RALGAPA1: variants seen among roughly 807,000 people sequenced by gnomAD.
RALGAPA1 encodes the protein ral GTPase-activating protein subunit alpha-1.
RALGAPA1 carries 52 observed loss-of-function variants against 269.6 expected under a neutral mutation model. That is an observed-to-expected ratio of 0.19 (90% CI 0.15 to 0.24). RALGAPA1 has a LOEUF of 0.24. Among genes scored for constraint, RALGAPA1 ranks in the 10% least tolerant of loss-of-function variants. RALGAPA1 has a pLI of 1.00. For synonymous variants in RALGAPA1, 817 were observed against 1,008.3 expected (o/e 0.81, Z 3.60); for missense variants, 1,917 against 3,013.9 (o/e 0.64, Z 8.52).
In RALGAPA1 at chr14:35,809,070, C is replaced by A. The variant is rs113547863; in HGVS notation, c.-235G>T. The A allele has an allele frequency of 1.6e-6, 1 of 615,492 alleles. No individual in the cohort carries two copies. The highest frequency in any genetic ancestry group is 2.7e-6 in the Non-Finnish European group (1 of 371,832). The allele number at this position is 615,492 out of a possible 1,614,324, so 38.1% of individuals were successfully genotyped here. ...CGGCCCCAGCTCCAATATGGCGGAT[C>A]CCTCTCCCGGCCCTGCACGGAGCGA... On this transcript the variant is annotated 5_prime_UTR_variant, in exon 1 of 42. Transcript: ENST00000680220.
intron 8 of RALGAPA1, 82 bp downstream of exon 8, chr14:35,751,942 G>C: frequency 2.7e-6 from 4 of 1,507,766 alleles, no homozygotes; most frequent in Non-Finnish European, 1.8e-6. Flanking sequence ...TCAGTTTCCT[G>C]CAGTAACAAA....
intron 31 of RALGAPA1, among the ~76,000 whole-genome samples, chr14:35,645,344 T>TGG (rs1491038852): frequency 3.5e-4 from 42 of 121,228 alleles, no homozygotes; most frequent in African/African-American, 1.3e-3. Flanking sequence ...GATATAGAGA[T>TGG]GGGTGTGTGT....
chr14:35,792,789 AAAAAAGAAAGAAAG>A (rs1343050248), intron 1 of RALGAPA1, among the ~76,000 whole-genome samples: 2 of 148,176 alleles, frequency 1.3e-5, no homozygotes, highest in Non-Finnish European at 3.0e-5. Context: ...AAAAAAAAAA[AAAAAAGAAAGAAAG>A]AGAAAGAAAG....
chr14:35,634,523 A>G (rs1247978881), intron 33 of RALGAPA1, 51 bp downstream of exon 33: 1 of 1,469,316 alleles, frequency 6.8e-7, no homozygotes, highest in African/African-American at 1.4e-5. Flanking sequence ...CTCAAGTTAT[A>G]CCTTGAGAGA....
chr14:35,617,637 T>TGGGGGGG (rs1221537442), intron 35 of RALGAPA1, among the ~76,000 whole-genome samples: 2 of 4,874 alleles, frequency 4.1e-4, no homozygotes, highest in African/African-American at 6.2e-4. Context: ...GTGTGTGGGG[T>TGGGGGGG]GGGGGGGGGG....
intron 1 of RALGAPA1, among the ~76,000 whole-genome samples, chr14:35,804,352 C>T (rs971735709): frequency 1.4e-5 from 2 of 145,422 alleles, no homozygotes; most frequent in Non-Finnish European, 1.5e-5. Context: ...TTGAGGATCA[C>T]GAGGTCAGGA....
At chr14:35,617,115 AAGGT>A (rs1352880856) in intron 35 of RALGAPA1, among the ~76,000 whole-genome samples, 1 of 152,244 alleles carries the variant, frequency 6.6e-6, no homozygotes, top group Non-Finnish European at 1.5e-5. Flanking sequence ...TCTGGGAAGG[AAGGT>A]GAAGCATAGG....
chr14:35,727,917 A>G (rs2070117309), intron 13 of RALGAPA1, among the ~76,000 whole-genome samples: 1 of 152,226 alleles, frequency 6.6e-6, no homozygotes. Context: ...GCAGGATCTT[A>G]TCCTGAAAGC....
At chr14:35,658,105 T>C (rs568852371) in intron 28 of RALGAPA1, among the ~76,000 whole-genome samples, 1 of 152,314 alleles carries the variant, frequency 6.6e-6, no homozygotes, top group African/African-American at 2.4e-5. Context: ...AGAGGGTGAT[T>C]CTATTAAACT....
intron 3 of RALGAPA1, among the ~76,000 whole-genome samples, chr14:35,771,327 G>A (rs2074601209): frequency 1.3e-5 from 2 of 152,162 alleles, no homozygotes; most frequent in South Asian, 4.1e-4. Flanking sequence ...CCAAGAGGCA[G>A]AGGTTACCGT....
intron 15 of RALGAPA1, 90 bp downstream of exon 15, chr14:35,722,937 T>A (rs2069558811): frequency 1.5e-6 from 1 of 655,652 alleles, no homozygotes; most frequent in African/African-American, 1.8e-5. Context: ...ATTCTACTTA[T>A]TTCACCCTCA....
chr14:35,751,343 C>T (rs2072666157), intron 8 of RALGAPA1, among the ~76,000 whole-genome samples: 2 of 152,174 alleles, frequency 1.3e-5, no homozygotes, highest in Admixed American at 1.3e-4. Flanking sequence ...ATTGAACCCC[C>T]ATATGGGGGG....
At chr14:35,647,945 C>T (rs889975201) in intron 31 of RALGAPA1, among the ~76,000 whole-genome samples, 1 of 150,152 alleles carries the variant, frequency 6.7e-6, no homozygotes, top group African/African-American at 2.5e-5. Context: ...GAAACTCCGT[C>T]TCTAAATAAA....
rs765263849 is a variant in RALGAPA1 at position 35,756,896 on chromosome 14, A to G, written c.560T>C (p.Ile187Thr). ...PLNLQETQVT[I>T]EEITPLVPPQ... The stretch of plus-strand genomic sequence containing the variant: ...GGGGACAAGAGGAGTGATTTCTTCT[A>G]TAGTGACTTGAGCTATCCAAAGACA... The change falls in exon 7 of 42, where the codon ATA (isoleucine) becomes ACA (threonine). Residue 187 changes from isoleucine to threonine, a missense_variant. Physicochemically the swap from Ile to Thr is moderately conservative, Grantham distance 89 (BLOSUM62 -1). Coordinates refer to ENST00000680220, the MANE Select transcript of RALGAPA1 (RefSeq NM_001346249.2). 3 of 1,608,678 alleles carry G rather than the reference A, an allele frequency of 1.9e-6. No homozygotes were observed. Among genetic ancestry groups the G allele is most frequent in the South Asian group, 2.2e-5 (2 of 89,936 alleles).
chr14:35,728,472 T>C lies in RALGAPA1; in HGVS notation c.1626A>G (p.Glu542=), dbSNP rs775876005. ...IINSSNIFLL[E]PANEIKNLLD... The stretch of plus-strand genomic sequence containing the variant: ...GAAGATTTTTTATTTCATTTGCAGG[T>C]TCAAGAAGAAATATATTTGATGAGT... Residue 542 remains glutamate, a synonymous_variant, in exon 13 of 42, where the codon GAA becomes GAG. Coordinates refer to ENST00000680220, the MANE Select transcript of RALGAPA1 (RefSeq NM_001346249.2). 2 of 1,607,138 alleles carry C rather than the reference T, an allele frequency of 1.2e-6. No individual in the cohort carries two copies. The highest frequency in any genetic ancestry group is 4.5e-5 in the East Asian group (2 of 44,660).
Position 35,549,195 on chromosome 14 carries a change from C to T in RALGAPA1, c.7536G>A (p.Gln2512=), listed in dbSNP as rs1566652163. 1 of 1,612,858 alleles carries T rather than the reference C, an allele frequency of 6.2e-7. No homozygotes were observed. Among genetic ancestry groups the T allele is most frequent in the East Asian group, 2.2e-5 (1 of 44,806 alleles). Residue 2512 remains glutamine (Q), a synonymous_variant, in exon 40 of 42, where the codon CAG becomes CAA. Transcript: ENST00000680220. ...CAAATGTTGTTGGTTCTAAGTGGTGCTGGACAATTGTTTGCAGGTATCGTG... is the reference window on the plus strand; with the variant it reads ...CAAATGTTGTTGGTTCTAAGTGGTGTTGGACAATTGTTTGCAGGTATCGTG... ...ERARYLQTIV[Q]HHLEPTTFED... is the part of the protein sequence containing the mutation.
chr14:35,798,077 T>A (rs1038673971), intron 1 of RALGAPA1, among the ~76,000 whole-genome samples: 1 of 151,692 alleles, frequency 6.6e-6, no homozygotes, highest in Non-Finnish European at 1.5e-5. Context: ...TTTGCCTTGT[T>A]GCCTAGGATG....
In RALGAPA1 at chr14:35,752,134, T is replaced by G; in HGVS notation, c.692A>C (p.Glu231Ala). ...AAATGAAAATCCCCTTTCTTGGTTTTCTTTGTTCTTCCATTCTAAACTTTT... is the reference window on the plus strand; with the variant it reads ...AAATGAAAATCCCCTTTCTTGGTTTGCTTTGTTCTTCCATTCTAAACTTTT... ...QVKSLEWKNKENQERGFSFLF... is the reference protein window; with the variant it reads ...QVKSLEWKNKANQERGFSFLF... Residue 231 changes from glutamate to alanine, a missense_variant, in exon 8 of 42, where the codon GAA becomes GCA. Physicochemically the swap from Glu to Ala is moderately radical, Grantham distance 107 (BLOSUM62 -1). This residue lies in a region of RALGAPA1 where 462 missense variants were observed against 725.6 expected (regional missense o/e 0.64). Transcript: ENST00000680220. The G allele has an allele frequency of 6.3e-7, 1 of 1,577,636 alleles. No homozygotes were observed. The highest frequency in any genetic ancestry group is 8.6e-7 in the Non-Finnish European group (1 of 1,166,096).
At chr14:35,790,812 A>G (rs557587641) in intron 1 of RALGAPA1, among the ~76,000 whole-genome samples, 1 of 152,312 alleles carries the variant, frequency 6.6e-6, no homozygotes, top group African/African-American at 2.4e-5. Context: ...GTACATTTTC[A>G]TATTAAACTT....
Sources: gnomAD v4.1 joint callset for allele counts (sites outside exome capture counted in the v4.1 genomes callset) on GRCh38, gnomAD v4.1.1 for gene constraint, gnomAD v4.1.1 regional missense constraint, MANE v1.5 for transcripts, NCBI Gene and HGNC (gene_info 2026-07-23, HGNC 2026-07-21) for gene names.